CASD1: variants seen among roughly 807,000 people sequenced by gnomAD.
The protein encoded by CASD1 is N-acetylneuraminate (7)9-O-acetyltransferase.
Under a neutral mutation model 100.0 loss-of-function variants are expected in CASD1, and 41 were observed. The ratio of observed to expected loss-of-function variants is 0.41; its 90% CI spans 0.32 to 0.53. The LOEUF (loss-of-function observed/expected upper bound fraction) is 0.53, where lower values mean the gene tolerates loss of function less well. CASD1 is among the 20% of genes least tolerant of loss of function. The probability of loss-of-function intolerance (pLI) is 0.25; values close to 1 mark genes in which losing one functional copy is unlikely to be tolerated. For synonymous variants in CASD1, 321 were observed against 315.6 expected (o/e 1.02, Z -0.18); for missense variants, 774 against 948.7 (o/e 0.82, Z 2.42).
chr7:94,598,631 G>C, the CASD1 span: 7 of 718,374 alleles, frequency 9.7e-6, no homozygotes, highest in Admixed American at 1.4e-4. Flanking sequence ...AGGAGAGTAG[G>C]GGTGAGATTT....
chr7:94,588,202 T>G, the CASD1 span: 1 of 1,071,714 alleles, frequency 9.3e-7, no homozygotes, highest in African/African-American at 1.7e-5. Flanking sequence ...GCCATCTTGT[T>G]GTCATTGGTC....
chr7:94,565,418 C>T, the CASD1 span, among the ~76,000 whole-genome samples: 7 of 152,080 alleles, frequency 4.6e-5, no homozygotes, highest in Non-Finnish European at 1.0e-4. Flanking sequence ...TCTTTGTAAG[C>T]GTCCTAAAAG....
At chr7:94,588,649 A>C in the CASD1 span, 8 of 1,569,970 alleles carry the variant, frequency 5.1e-6, no homozygotes, top group Admixed American at 1.0e-4. Context: ...AATCTATTAG[A>C]TTCATTCATA....
chr7:94,513,062 C>T (rs925192163), intron 1 of CASD1, among the ~76,000 whole-genome samples: 1 of 152,136 alleles, frequency 6.6e-6, no homozygotes, highest in East Asian at 1.9e-4. Flanking sequence ...TCAGGCCGGG[C>T]GCAGTGGCTC....
At chr7:94,571,098 C>T in the CASD1 span, among the ~76,000 whole-genome samples, 3 of 149,668 alleles carry the variant, frequency 2.0e-5, no homozygotes, top group African/African-American at 7.5e-5. Flanking sequence ...GGCTGGAAAG[C>T]AATAGTGCAA....
intron 10 of CASD1, among the ~76,000 whole-genome samples, chr7:94,539,971 T>G (rs1344102510): frequency 6.6e-6 from 1 of 152,180 alleles, no homozygotes; most frequent in Non-Finnish European, 1.5e-5. Context: ...TGGAAGACCC[T>G]TCCTTTGATC....
the CASD1 span, among the ~76,000 whole-genome samples, chr7:94,567,561 A>G: frequency 1.3e-5 from 2 of 152,194 alleles, no homozygotes; most frequent in African/African-American, 4.8e-5. Context: ...AGAAGACACC[A>G]GAGAGTTTGT....
chr7:94,514,026 A>G (rs182013573), intron 1 of CASD1, among the ~76,000 whole-genome samples: 71 of 152,290 alleles, frequency 4.7e-4, no homozygotes, highest in South Asian at 1.2e-3. Flanking sequence ...CAAATGGCCA[A>G]TATCTGTAGC....
At chr7:94,593,499 A>G in the CASD1 span, among the ~76,000 whole-genome samples, 2 of 151,996 alleles carry the variant, frequency 1.3e-5, no homozygotes, top group Non-Finnish European at 2.9e-5. Context: ...ATTTAATATA[A>G]TAATAAATTA....
chr7:94,602,673 T>C, the CASD1 span, among the ~76,000 whole-genome samples: 1 of 152,088 alleles, frequency 6.6e-6, no homozygotes, highest in African/African-American at 2.4e-5. Flanking sequence ...ATATAAAATA[T>C]GCAAACATAT....
chr7:94,517,787 T>G, intron 2 of CASD1, 131 bp downstream of exon 2: 4 of 558,832 alleles, frequency 7.2e-6, no homozygotes, highest in Non-Finnish European at 1.2e-5. Flanking sequence ...TAGGGCTGAT[T>G]GCAAATGAAG....
At chr7:94,605,090 G>A in the CASD1 span, among the ~76,000 whole-genome samples, 1 of 151,544 alleles carries the variant, frequency 6.6e-6, no homozygotes, top group African/African-American at 2.4e-5. Context: ...CATTAGTCCA[G>A]CTAGCAAGAA....
At chr7:94,514,896 T>C (rs1471897929) in intron 1 of CASD1, among the ~76,000 whole-genome samples, 1 of 152,100 alleles carries the variant, frequency 6.6e-6, no homozygotes, top group African/African-American at 2.4e-5. Flanking sequence ...AACCGAAGTT[T>C]TGTTTTGTTT....
At chr7:94,615,744 C>A in the CASD1 span, among the ~76,000 whole-genome samples, 19 of 152,172 alleles carry the variant, frequency 1.2e-4, no homozygotes, top group Non-Finnish European at 2.1e-4. Context: ...CTTTAATCCT[C>A]ACACCCCATC....
chr7:94,618,595 T>A, the CASD1 span: 1 of 618,112 alleles, frequency 1.6e-6, no homozygotes, highest in Non-Finnish European at 2.8e-6. Context: ...TAACACAACA[T>A]CTTTGCCAAT....
At chr7:94,541,528 G>A (rs1023644294) in intron 10 of CASD1, among the ~76,000 whole-genome samples, 2 of 93,140 alleles carry the variant, frequency 2.1e-5, no homozygotes, top group South Asian at 7.6e-4. Context: ...GGTGATTTGT[G>A]TTCCACTGGT....
At chr7:94,628,378 AT>A in the CASD1 span, 1 of 1,577,742 alleles carries the variant, frequency 6.3e-7, no homozygotes, top group Non-Finnish European at 8.7e-7. Flanking sequence ...GAAACAGAGA[AT>A]TAAGACATAA....
At chr7:94,605,632 A>G in the CASD1 span, among the ~76,000 whole-genome samples, 4 of 152,132 alleles carry the variant, frequency 2.6e-5, no homozygotes, top group Admixed American at 2.6e-4. Flanking sequence ...ATATATGTAT[A>G]TTACAAACTC....
intron 13 of CASD1, among the ~76,000 whole-genome samples, chr7:94,548,967 C>CTGG (rs1272057199): frequency 2.6e-5 from 4 of 151,798 alleles, no homozygotes; most frequent in African/African-American, 9.7e-5. Context: ...GTTTCAAAGG[C>CTGG]TGGTAATGGA....
Sources: allele counts gnomAD v4.1 joint callset (sites outside exome capture counted in the v4.1 genomes callset), GRCh38; gene constraint gnomAD v4.1.1; transcripts MANE v1.5; gene names NCBI Gene and HGNC (gene_info 2026-07-23, HGNC 2026-07-21).